The following OSBPL8 variants were observed in gnomAD, a reference collection of about 807,000 sequenced individuals.
OSBPL8 encodes oxysterol binding protein like 8, also known as oxysterol-binding protein-related protein 8.
In OSBPL8, 59 loss-of-function variants were observed where a neutral mutation model predicts 125.5. The observed-to-expected ratio is 0.47, with a 90% CI of 0.38 to 0.58. The LOEUF (loss-of-function observed/expected upper bound fraction) is 0.58. Ranked by LOEUF, OSBPL8 falls within the 20% of genes least tolerant of loss-of-function variation. OSBPL8 has a pLI of 0.00. For synonymous variants in OSBPL8, 330 were observed against 338.9 expected, an observed-to-expected ratio of 0.97 and a Z score of 0.29; for missense variants, 758 against 1,047.8, an observed-to-expected ratio of 0.72 and a Z score of 3.82.
chr12:76,508,979 C>T (rs370469871), intron 1 of OSBPL8, among the ~76,000 whole-genome samples: 1 of 152,316 alleles, frequency 6.6e-6, no homozygotes, highest in South Asian at 2.1e-4. Flanking sequence ...CCTTTACTTT[C>T]TTAATAAACT....
At position 76,426,050 on chromosome 12, in the gene OSBPL8, T is replaced by A. The variant is rs139613284; in HGVS notation, c.218-15416A>T. Among the ~76,000 whole-genome samples the A allele has an allele frequency of 5.3e-3, 811 of 152,290 alleles. 5 individuals carry two copies. The highest frequency in any genetic ancestry group is 0.019 in the African/African-American group (769 of 41,566). ...GCAGGAGGCCAATGGCCTGAGGCTGTCTCTGTATTTTTAGTTCCTAATAAT... is the reference window on the plus strand; with the variant it reads ...GCAGGAGGCCAATGGCCTGAGGCTGACTCTGTATTTTTAGTTCCTAATAAT... On this transcript the variant is annotated intron_variant, in intron 4 of 23. Transcript: ENST00000261183.
chr12:76,457,175 G>A (rs1184922058), intron 3 of OSBPL8, among the ~76,000 whole-genome samples: 5 of 152,126 alleles, frequency 3.3e-5, no homozygotes, highest in Admixed American at 6.5e-5. Flanking sequence ...GCAGATATTC[G>A]CAACACCTGA....
chr12:76,531,732 C>A (rs573736080), intron 1 of OSBPL8, among the ~76,000 whole-genome samples: 1 of 151,894 alleles, frequency 6.6e-6, no homozygotes, highest in Non-Finnish European at 1.5e-5. Flanking sequence ...TTAAGTACTG[C>A]GCACTAAAAA....
At chr12:76,378,384 A>C in intron 16 of OSBPL8, 68 bp downstream of exon 16, 1 of 1,095,526 alleles carries the variant, frequency 9.1e-7, no homozygotes, top group South Asian at 1.5e-5. Flanking sequence ...AAGCATAACA[A>C]ATCACAGCTA....
intron 18 of OSBPL8, chr12:76,371,978 C>T (rs1355231452): frequency 6.4e-6 from 1 of 155,638 alleles, no homozygotes; most frequent in Non-Finnish European, 1.4e-5. Flanking sequence ...AACATACACA[C>T]ACACACATCC....
intron 4 of OSBPL8, among the ~76,000 whole-genome samples, chr12:76,415,205 C>T (rs549653372): frequency 2.6e-5 from 4 of 151,704 alleles, no homozygotes; most frequent in South Asian, 2.1e-4. Flanking sequence ...TACCTGAATC[C>T]GGAGCTTTCT....
chr12:76,416,353 C>CCATA (rs1256064666), intron 4 of OSBPL8, among the ~76,000 whole-genome samples: 2 of 151,870 alleles, frequency 1.3e-5, no homozygotes, highest in African/African-American at 4.8e-5. Flanking sequence ...TATAAATATA[C>CCATA]CATATGTATT....
chr12:76,398,269 A>C (rs1443368591), intron 7 of OSBPL8, among the ~76,000 whole-genome samples: 1 of 152,182 alleles, frequency 6.6e-6, no homozygotes, highest in African/African-American at 2.4e-5. Context: ...GATTCTGCTT[A>C]AAACAATTTT....
chr12:76,558,609 A>G (rs1452567240), intron 1 of OSBPL8, among the ~76,000 whole-genome samples: 1 of 152,264 alleles, frequency 6.6e-6, no homozygotes, highest in East Asian at 1.9e-4. Context: ...ACGTTGTCCA[A>G]GTTACCTATT....
rs556930211 is a variant in OSBPL8 at position 76,496,626 on chromosome 12, C to T, written c.-67-9008G>A. Among the ~76,000 whole-genome samples, 8 of 152,160 alleles carry T rather than the reference C, an allele frequency of 5.3e-5. No homozygotes were observed. In the East Asian group the frequency reaches 1.2e-3, roughly 22 times the overall value. ...CAGGATCTCAGCTCACTGCAACCTC[C>T]GCTTTCCAGGTTCAAGTGATTCTCC... On this transcript the variant is annotated intron_variant, in intron 1 of 23. Transcript: ENST00000261183.
At chr12:76,551,659 C>G (rs1401821407) in intron 1 of OSBPL8, among the ~76,000 whole-genome samples, 1 of 152,148 alleles carries the variant, frequency 6.6e-6, no homozygotes, top group African/African-American at 2.4e-5. Context: ...CCTCACAGGC[C>G]TCTAAGGTTT....
intron 1 of OSBPL8, among the ~76,000 whole-genome samples, chr12:76,517,365 T>A (rs749807570): frequency 1.6e-4 from 25 of 152,176 alleles, no homozygotes; most frequent in Non-Finnish European, 3.4e-4. Flanking sequence ...GTAAAGAAAT[T>A]TTTAATTATA....
chr12:76,398,196 G>T (rs1314205983), intron 7 of OSBPL8, among the ~76,000 whole-genome samples: 1 of 152,192 alleles, frequency 6.6e-6, no homozygotes, highest in East Asian at 1.9e-4. Flanking sequence ...TGCTTTCTTA[G>T]TACTGATATT....
intron 1 of OSBPL8, among the ~76,000 whole-genome samples, chr12:76,533,264 G>GT (rs970021274): frequency 2.4e-4 from 36 of 151,766 alleles, no homozygotes; most frequent in African/African-American, 5.8e-4. Flanking sequence ...CAAGAACCAG[G>GT]TTTTTTTTAA....
chr12:76,557,249 T>C (rs1378207004), intron 1 of OSBPL8, among the ~76,000 whole-genome samples: 1 of 152,222 alleles, frequency 6.6e-6, no homozygotes, highest in Non-Finnish European at 1.5e-5. Context: ...AATCTACTTT[T>C]GAAGGATTAT....
intron 2 of OSBPL8, among the ~76,000 whole-genome samples, chr12:76,461,204 G>C (rs1874681149): frequency 6.6e-6 from 1 of 152,108 alleles, no homozygotes; most frequent in Non-Finnish European, 1.5e-5. Context: ...CACTTCTAAT[G>C]AACAGAATAC....
chr12:76,408,416 C>A (rs147738972), intron 5 of OSBPL8, among the ~76,000 whole-genome samples: 10,272 of 140,378 alleles, frequency 0.073, 483 homozygotes, highest in Middle Eastern at 0.17. Flanking sequence ...GAGCCGAGAT[C>A]GCACCACTGT....
intron 1 of OSBPL8, among the ~76,000 whole-genome samples, chr12:76,490,707 A>G (rs1471894371): frequency 1.3e-5 from 2 of 152,248 alleles, no homozygotes; most frequent in Non-Finnish European, 2.9e-5. Flanking sequence ...GTGTGGATAC[A>G]AAAGGCTGTC....
intron 1 of OSBPL8, among the ~76,000 whole-genome samples, chr12:76,533,813 T>C (rs1950417123): frequency 6.6e-6 from 1 of 152,198 alleles, no homozygotes; most frequent in Non-Finnish European, 1.5e-5. Context: ...GGACTTACTA[T>C]TCATCAAAAC....
Sources: allele counts gnomAD v4.1 joint callset (sites outside exome capture counted in the v4.1 genomes callset), GRCh38; gene constraint gnomAD v4.1.1; transcripts MANE v1.5; gene names NCBI Gene and HGNC (gene_info 2026-07-23, HGNC 2026-07-21).